Variants in MITF observed in about 807,000 individuals in gnomAD.
MITF encodes the protein melanocyte inducing transcription factor.
MITF carries 17 observed loss-of-function variants against 60.5 expected under a neutral mutation model. The ratio of observed to expected loss-of-function variants is 0.28; its 90% confidence interval spans 0.19 to 0.42. The LOEUF is 0.42. MITF is among the 10% of genes least tolerant of loss of function. The pLI is 1.00. For synonymous variants in MITF, 260 were observed against 248.5 expected (o/e 1.05, Z -0.43); for missense variants, 622 against 683.5 (o/e 0.91, Z 1.00).
intron 1 of MITF, among the ~76,000 whole-genome samples, chr3:69,767,446 G>A (rs1277185382): frequency 6.6e-6 from 1 of 151,948 alleles, no homozygotes; most frequent in Non-Finnish European, 1.5e-5. Context: ...TTAGCTAGGT[G>A]TGGTGGTGTG....
intron 1 of MITF, among the ~76,000 whole-genome samples, chr3:69,877,805 A>G (rs979768968): frequency 2.6e-5 from 4 of 152,152 alleles, no homozygotes; most frequent in African/African-American, 7.2e-5. Context: ...TTTGCCTTTT[A>G]TTAGAAGGTA....
At chr3:69,927,264 C>G (rs1193105510) in intron 2 of MITF, among the ~76,000 whole-genome samples, 2 of 152,032 alleles carry the variant, frequency 1.3e-5, no homozygotes, top group South Asian at 4.1e-4. Context: ...TAGATTAACA[C>G]AGTAACGGAA....
At chr3:69,892,960 T>C (rs1261894785) in intron 2 of MITF, among the ~76,000 whole-genome samples, 2 of 152,216 alleles carry the variant, frequency 1.3e-5, no homozygotes, top group Admixed American at 1.3e-4. Context: ...GCCCTTTCTG[T>C]TGAAATAAAA....
At chr3:69,849,509 C>T (rs116246690) in intron 1 of MITF, among the ~76,000 whole-genome samples, 122 of 152,328 alleles carry the variant, frequency 8.0e-4, no homozygotes, top group African/African-American at 2.7e-3. Context: ...TTAATCTATG[C>T]ATTATTCCAC....
chr3:69,916,552 T>A (rs1305100093), intron 2 of MITF, among the ~76,000 whole-genome samples: 2 of 152,350 alleles, frequency 1.3e-5, no homozygotes, highest in African/African-American at 2.4e-5. Context: ...GTTTAAAAAA[T>A]TTTAAACATT....
chr3:69,803,189 A>G lies in MITF; in HGVS notation c.104+63488A>G, dbSNP rs139627225. Among the ~76,000 whole-genome samples, 99 of 152,342 alleles carry G rather than the reference A, an allele frequency of 6.5e-4. 1 individual carries two copies. The East Asian group carries it at 0.016, about 25-fold the overall frequency. ...AAATGAAAAATATGCTTCAGTATAC[A>G]AAAGTCCAGTTTATGAAGCTGTGTG... On this transcript the variant is annotated intron_variant, in intron 1 of 9. Transcript: ENST00000352241.
intron 1 of MITF, among the ~76,000 whole-genome samples, chr3:69,748,097 A>G (rs1487820170): frequency 4.6e-5 from 7 of 152,156 alleles, no homozygotes; most frequent in Non-Finnish European, 7.3e-5. Context: ...CTCTCCTCCC[A>G]CATACCACCT....
chr3:69,770,951 G>A (rs1334125997), intron 1 of MITF, among the ~76,000 whole-genome samples: 2 of 152,102 alleles, frequency 1.3e-5, no homozygotes, highest in African/African-American at 2.4e-5. Flanking sequence ...ACAAGTATCC[G>A]AAGGTGGCCA....
At chr3:69,812,517 C>T (rs1363355127) in intron 1 of MITF, among the ~76,000 whole-genome samples, 19 of 152,192 alleles carry the variant, frequency 1.2e-4, no homozygotes, top group Admixed American at 1.2e-3. Context: ...TGGAATACTT[C>T]TTTACTTCTG....
chr3:69,939,166 A>G lies in MITF; in HGVS notation c.651A>G (p.Arg217=). The G allele has an allele frequency of 6.2e-7, 1 of 1,614,084 alleles. No individual in the cohort carries two copies. The highest frequency in any genetic ancestry group is 8.5e-7 in the Non-Finnish European group (1 of 1,179,978). Residue 217 remains arginine (R), a synonymous_variant, in exon 4 of 10, where the codon CGA becomes CGG. Coordinates refer to ENST00000352241, the MANE Select transcript of MITF (RefSeq NM_001354604.2). The part of the protein sequence containing the change: ...SECPGMNTHS[R]ASCMQMDDVI... ...GCCCAGGCATGAACACACATTCACG[A>G]GCGTCCTGTATGCAGGTACTGAATG... is the stretch of plus-strand genomic sequence containing the variant.
chr3:69,939,263 C>A, intron 4 of MITF, 82 bp downstream of exon 4: 9 of 1,241,718 alleles, frequency 7.2e-6, no homozygotes, highest in Non-Finnish European at 1.0e-5. Context: ...TTCCTGAAAA[C>A]TTAAGCATTT....
intron 1 of MITF, among the ~76,000 whole-genome samples, chr3:69,825,932 C>T (rs116801804): frequency 6.6e-6 from 1 of 151,972 alleles, no homozygotes; most frequent in Non-Finnish European, 1.5e-5. Context: ...TTAAGATTTA[C>T]AAAACTTGGA....
At chr3:69,888,154 G>A (rs1409604630) in intron 2 of MITF, among the ~76,000 whole-genome samples, 1 of 152,026 alleles carries the variant, frequency 6.6e-6, no homozygotes, top group East Asian at 1.9e-4. Flanking sequence ...CCCCTGTTGG[G>A]CCTGGGTTTT....
intron 1 of MITF, among the ~76,000 whole-genome samples, chr3:69,807,413 A>G (rs2063027037): frequency 6.6e-6 from 1 of 152,232 alleles, no homozygotes; most frequent in Non-Finnish European, 1.5e-5. Flanking sequence ...TTAATGATCA[A>G]ATATTGGCTA....
chr3:69,952,295 A>T (rs2066276151), intron 7 of MITF, among the ~76,000 whole-genome samples: 1 of 152,204 alleles, frequency 6.6e-6, no homozygotes, highest in South Asian at 2.1e-4. Flanking sequence ...AAAGAAACAG[A>T]TCTGAAGGGG....
chr3:69,864,606 A>C (rs2064077970), intron 1 of MITF, among the ~76,000 whole-genome samples: 1 of 151,828 alleles, frequency 6.6e-6, no homozygotes, highest in Non-Finnish European at 1.5e-5. Context: ...CCTTTCTAAA[A>C]ACTCAAATCT....
intron 1 of MITF, among the ~76,000 whole-genome samples, chr3:69,804,871 G>A (rs796461762): frequency 3.9e-5 from 6 of 152,308 alleles, no homozygotes; most frequent in African/African-American, 1.2e-4. Context: ...CCTTGAATTT[G>A]AAAGGCTATA....
Position 69,803,826 on chromosome 3 carries a change from T to G in MITF, c.104+64125T>G, listed in dbSNP as rs554674938. 5.9e-5 allele frequency among the ~76,000 whole-genome samples: 9 copies of G among 152,264 alleles called. No individual in the cohort carries two copies. In the South Asian group the frequency reaches 1.0e-3, roughly 18 times the overall value. On this transcript the variant is annotated intron_variant, in intron 1 of 9. Transcript: ENST00000352241. Reference sequence around the variant, plus strand: ...CCATTGATCTAATAACTCATGTTTTTTTTTTTTTTTAAATTAACCACAAAT... The same window carrying G: ...CCATTGATCTAATAACTCATGTTTTGTTTTTTTTTTAAATTAACCACAAAT...
chr3:69,917,376 CTT>C (rs3044646), intron 2 of MITF, among the ~76,000 whole-genome samples: 9 of 113,286 alleles, frequency 7.9e-5, no homozygotes, highest in African/African-American at 1.4e-4. Context: ...CAGTTGCCTC[CTT>C]TTTTTTTTTT....
Sources: allele counts gnomAD v4.1 joint callset (sites outside exome capture counted in the v4.1 genomes callset), GRCh38; gene constraint gnomAD v4.1.1; transcripts MANE v1.5; gene names NCBI Gene and HGNC (gene_info 2026-07-23, HGNC 2026-07-21).